Variants in PPP4R2 observed in about 807,000 individuals in gnomAD.
PPP4R2 encodes the protein protein phosphatase 4 regulatory subunit 2.
Under a neutral mutation model 47.2 loss-of-function variants are expected in PPP4R2, and 13 were observed. That is an observed-to-expected ratio of 0.28 (90% CI 0.18 to 0.44). The LOEUF (loss-of-function observed/expected upper bound fraction) is 0.44, where lower values mean the gene tolerates loss of function less well. PPP4R2 is among the 20% of genes least tolerant of loss of function. The pLI, the probability that PPP4R2 is intolerant of heterozygous loss-of-function variation, is 1.00. For missense variants in PPP4R2, 421 were observed against 491.2 expected, an observed-to-expected ratio of 0.86 and a Z score of 1.35; for synonymous variants, 151 against 163.3, an observed-to-expected ratio of 0.92 and a Z score of 0.57.
intron 2 of PPP4R2, among the ~76,000 whole-genome samples, chr3:73,037,802 C>T (rs947960289): frequency 6.6e-6 from 1 of 152,068 alleles, no homozygotes; most frequent in Non-Finnish European, 1.5e-5. Context: ...TTTAGGTTCT[C>T]TTGTACCATC....
chr3:73,064,378 G>A (rs550147729), intron 7 of PPP4R2, among the ~76,000 whole-genome samples: 1 of 152,118 alleles, frequency 6.6e-6, no homozygotes, highest in Non-Finnish European at 1.5e-5. Flanking sequence ...TAAAAGTAAC[G>A]TAGATATGAT....
At chr3:73,021,212 A>G (rs1305959304) in intron 2 of PPP4R2, among the ~76,000 whole-genome samples, 1 of 148,262 alleles carries the variant, frequency 6.7e-6, no homozygotes, top group Non-Finnish European at 1.5e-5. Flanking sequence ...GCTTGGATTC[A>G]TTTTATTTCA....
chr3:73,036,206 C>T (rs1024493284), intron 2 of PPP4R2, among the ~76,000 whole-genome samples: 3 of 151,974 alleles, frequency 2.0e-5, no homozygotes, highest in East Asian at 3.9e-4. Flanking sequence ...TTGATCTTAA[C>T]GGAGGTAGAG....
intron 2 of PPP4R2, among the ~76,000 whole-genome samples, chr3:73,043,935 C>T (rs1431434903): frequency 6.6e-6 from 1 of 152,204 alleles, no homozygotes; most frequent in African/African-American, 2.4e-5. Flanking sequence ...CCCACAGTTC[C>T]AGACGACTCT....
At position 73,068,718 on chromosome 3, in the gene PPP4R2, A is replaced by T. The variant is rs1340113268; in HGVS notation, c.*2996A>T. On this transcript the variant is annotated 3_prime_UTR_variant, in exon 9 of 9. Transcript: ENST00000356692. ...TAGGCATGTATTTATGCATTTTTGC[A>T]TTTGTAAAATCAACTTTTCAAATAA... 6.6e-6 allele frequency: 1 copy of T among 152,236 alleles called. No homozygotes were observed. The highest frequency in any genetic ancestry group is 1.5e-5 in the Non-Finnish European group (1 of 68,036). The allele number at this position is 152,236 out of a possible 1,614,324, so 9.4% of individuals were successfully genotyped here. A position where few individuals can be genotyped will look rare whatever the true frequency, so the allele number is the denominator to read the frequency against.
At chr3:73,015,769 C>T (rs1701817157) in intron 2 of PPP4R2, 1 of 440,264 alleles carries the variant, frequency 2.3e-6, no homozygotes, top group African/African-American at 2.1e-5. Context: ...TCCTGAGTAG[C>T]TGGGACTACA....
intron 2 of PPP4R2, among the ~76,000 whole-genome samples, chr3:73,024,425 G>A (rs917945311): frequency 2.6e-5 from 4 of 152,118 alleles, no homozygotes; most frequent in African/African-American, 9.7e-5. Flanking sequence ...AGGGTTACCT[G>A]CGGAGAACCA....
intron 7 of PPP4R2, among the ~76,000 whole-genome samples, chr3:73,064,561 T>C (rs1702945194): frequency 6.6e-6 from 1 of 152,306 alleles, no homozygotes; most frequent in African/African-American, 2.4e-5. Flanking sequence ...GGGAGAGGAC[T>C]TAAGAGAGTA....
intron 2 of PPP4R2, among the ~76,000 whole-genome samples, chr3:73,025,067 C>T (rs888666386): frequency 4.6e-5 from 7 of 152,064 alleles, no homozygotes; most frequent in Non-Finnish European, 1.0e-4. Flanking sequence ...TCTGATTGGC[C>T]TGGCCCTGGT....
At chr3:73,047,601 A>G (rs1702511104) in intron 3 of PPP4R2, among the ~76,000 whole-genome samples, 1 of 152,174 alleles carries the variant, frequency 6.6e-6, no homozygotes, top group Non-Finnish European at 1.5e-5. Context: ...GAAACATTTT[A>G]ATGGTTTTTC....
chr3:73,068,612 A>G lies in PPP4R2; in HGVS notation c.*2890A>G, dbSNP rs1006112850. On this transcript the variant is annotated 3_prime_UTR_variant, in exon 9 of 9. Transcript: ENST00000356692. Reference sequence around the variant, plus strand: ...GCCAGCCAGGCCCTGTGGCTTGGAAAGGCATCCCAGAAATCCTCGGCCAGA... The same window carrying G: ...GCCAGCCAGGCCCTGTGGCTTGGAAGGGCATCCCAGAAATCCTCGGCCAGA... 4 of 152,266 alleles carry G rather than the reference A, an allele frequency of 2.6e-5. No individual in the cohort carries two copies. The highest frequency in any genetic ancestry group is 2.6e-4 in the Admixed American group (4 of 15,292). The allele number at this position is 152,266 out of a possible 1,614,324, so 9.4% of individuals were successfully genotyped here. A position where few individuals can be genotyped will look rare whatever the true frequency, so the allele number is the denominator to read the frequency against.
chr3:73,040,608 G>A (rs1702358895), intron 2 of PPP4R2, among the ~76,000 whole-genome samples: 1 of 150,324 alleles, frequency 6.7e-6, no homozygotes, highest in Non-Finnish European at 1.5e-5. Context: ...GGGTTCAAGC[G>A]ATTCTTCTGT....
At chr3:73,043,203 C>G (rs140446111) in intron 2 of PPP4R2, among the ~76,000 whole-genome samples, 11 of 152,206 alleles carry the variant, frequency 7.2e-5, no homozygotes, top group African/African-American at 2.4e-4. Flanking sequence ...GTATGAAGTG[C>G]ATGTGGAGAG....
chr3:73,011,730 A>G (rs564733004), intron 2 of PPP4R2, among the ~76,000 whole-genome samples: 5 of 152,246 alleles, frequency 3.3e-5, no homozygotes, highest in East Asian at 3.9e-4. Flanking sequence ...GTAATTTTGT[A>G]GAGACATAAA....
chr3:73,046,586 T>G (rs568702995), intron 2 of PPP4R2, among the ~76,000 whole-genome samples: 5 of 152,174 alleles, frequency 3.3e-5, no homozygotes, highest in Non-Finnish European at 5.9e-5. Flanking sequence ...CTAAGCAAAT[T>G]ATGTATTTTT....
intron 3 of PPP4R2, among the ~76,000 whole-genome samples, chr3:73,054,496 A>T (rs951913421): frequency 6.6e-6 from 1 of 152,216 alleles, no homozygotes; most frequent in Non-Finnish European, 1.5e-5. Context: ...CCATGTTGAC[A>T]GTTAAGTTTA....
At chr3:73,030,488 A>G (rs951644759) in intron 2 of PPP4R2, among the ~76,000 whole-genome samples, 2 of 152,172 alleles carry the variant, frequency 1.3e-5, no homozygotes, top group African/African-American at 2.4e-5. Flanking sequence ...AGAGAATGAA[A>G]TAGACTGGGG....
At position 73,068,288 on chromosome 3, in the gene PPP4R2, C is replaced by T. The variant is rs1703041680; in HGVS notation, c.*2566C>T. On this transcript the variant is annotated 3_prime_UTR_variant, in exon 9 of 9. Coordinates refer to ENST00000356692, the MANE Select transcript of PPP4R2 (RefSeq NM_174907.4). ...GTGATTAAAGATATTTTGTTTCTGA[C>T]CTTGAGCAGATTGCTTACCTGTTCT... The T allele has an allele frequency of 6.6e-6, 1 of 151,856 alleles. No homozygotes were observed. The highest frequency in any genetic ancestry group is 2.4e-5 in the African/African-American group (1 of 41,320). The allele number at this position is 151,856 out of a possible 1,614,324, so 9.4% of individuals were successfully genotyped here.
chr3:72,996,844 T>A lies in PPP4R2; in HGVS notation c.-194T>A. ...TGTTGGAGGGTTGGTGGTAGCGGCT[T>A]GGGGAGGTGCTCGCTCTGTCGGTCT... On this transcript the variant is annotated 5_prime_UTR_variant, in exon 1 of 9. Transcript: ENST00000356692. 1 of 399,184 alleles carries A rather than the reference T, an allele frequency of 2.5e-6. No homozygotes were observed. The highest frequency in any genetic ancestry group is 4.5e-6 in the Non-Finnish European group (1 of 223,782). The allele number at this position is 399,184 out of a possible 1,614,324, so 24.7% of individuals were successfully genotyped here. A position where few individuals can be genotyped will look rare whatever the true frequency, so the allele number is the denominator to read the frequency against.
Sources: gnomAD v4.1 joint callset for allele counts (sites outside exome capture counted in the v4.1 genomes callset) on GRCh38, gnomAD v4.1.1 for gene constraint, MANE v1.5 for transcripts, NCBI Gene and HGNC (gene_info 2026-07-23, HGNC 2026-07-21) for gene names.